Variants in KSR2 observed in about 807,000 individuals in gnomAD.
KSR2 encodes the protein kinase suppressor of ras 2.
KSR2 carries 25 observed loss-of-function variants against 107.8 expected under a neutral mutation model. That is an observed-to-expected ratio of 0.23 (90% CI 0.17 to 0.32). The LOEUF is 0.32. Ranked by LOEUF, KSR2 falls within the 10% of genes least tolerant of loss-of-function variation. The pLI is 1.00. For missense variants in KSR2, 887 were observed against 1,268.9 expected, an observed-to-expected ratio of 0.70 and a Z score of 4.57; for synonymous variants, 480 against 507.0, an observed-to-expected ratio of 0.95 and a Z score of 0.71.
intron 14 of KSR2, among the ~76,000 whole-genome samples, chr12:117,509,982 C>T (rs1472365429): frequency 6.6e-6 from 1 of 152,226 alleles, no homozygotes; most frequent in Non-Finnish European, 1.5e-5. Flanking sequence ...CTTCTCATCA[C>T]TCAGTCTCAG....
intron 1 of KSR2, among the ~76,000 whole-genome samples, chr12:117,927,727 T>C (rs1895573480): frequency 6.6e-6 from 1 of 152,024 alleles, no homozygotes; most frequent in Admixed American, 6.6e-5. Context: ...AGGCCTTTCC[T>C]AGGCACCCAC....
intron 1 of KSR2, among the ~76,000 whole-genome samples, chr12:117,861,058 C>T (rs1893274467): frequency 6.6e-6 from 1 of 152,108 alleles, no homozygotes; most frequent in Non-Finnish European, 1.5e-5. Context: ...TTTGCAGGAA[C>T]TCCTCCAACA....
chr12:117,862,721 TCCC>T (rs202131029), intron 1 of KSR2, among the ~76,000 whole-genome samples: 2 of 134,660 alleles, frequency 1.5e-5, no homozygotes, highest in South Asian at 4.5e-4. Context: ...TGGTCTCCAT[TCCC>T]CCCCTTTTTT....
At chr12:117,752,606 T>C (rs1188692484) in intron 4 of KSR2, among the ~76,000 whole-genome samples, 1 of 152,210 alleles carries the variant, frequency 6.6e-6, no homozygotes, top group East Asian at 1.9e-4. Context: ...AATTTTATCA[T>C]CTATTGCTTA....
intron 3 of KSR2, among the ~76,000 whole-genome samples, chr12:117,777,577 C>T (rs1026265745): frequency 6.6e-5 from 10 of 152,118 alleles, no homozygotes; most frequent in African/African-American, 1.9e-4. Context: ...CATTTTAGCC[C>T]GTAGGCAAAT....
chr12:117,922,751 G>A (rs1895380599), intron 1 of KSR2, among the ~76,000 whole-genome samples: 1 of 152,134 alleles, frequency 6.6e-6, no homozygotes, highest in African/African-American at 2.4e-5. Context: ...CACATACAAG[G>A]TGCACAACAG....
intron 9 of KSR2, among the ~76,000 whole-genome samples, chr12:117,545,732 C>T (rs1876815488): frequency 6.6e-6 from 1 of 152,062 alleles, no homozygotes; most frequent in Non-Finnish European, 1.5e-5. Context: ...TCCTGCCTTC[C>T]TGTGAGTTAA....
At chr12:117,598,769 A>G (rs1444070612) in intron 5 of KSR2, among the ~76,000 whole-genome samples, 1 of 152,032 alleles carries the variant, frequency 6.6e-6, no homozygotes, top group East Asian at 1.9e-4. Context: ...CAGTATATTC[A>G]TGCCCTTTGC....
intron 1 of KSR2, among the ~76,000 whole-genome samples, chr12:117,957,345 G>A (rs1403093833): frequency 6.6e-6 from 1 of 152,218 alleles, no homozygotes; most frequent in Non-Finnish European, 1.5e-5. Context: ...GACATTCCAA[G>A]CATCACAGAA....
chr12:117,602,037 G>A (rs1275360914), intron 5 of KSR2, among the ~76,000 whole-genome samples: 1 of 152,206 alleles, frequency 6.6e-6, no homozygotes, highest in African/African-American at 2.4e-5. Context: ...GCAAATGAAT[G>A]AGCATGGCTG....
chr12:117,606,167 T>A (rs1442739808), intron 5 of KSR2, among the ~76,000 whole-genome samples: 1 of 152,102 alleles, frequency 6.6e-6, no homozygotes, highest in Non-Finnish European at 1.5e-5. Flanking sequence ...GTTAAAAAGT[T>A]TAAATACAGC....
At chr12:117,592,120 A>G (rs903502790) in intron 5 of KSR2, among the ~76,000 whole-genome samples, 14 of 149,606 alleles carry the variant, frequency 9.4e-5, no homozygotes, top group African/African-American at 3.4e-4. Context: ...TTTCCCCCCA[A>G]CTTTTTTTTT....
chr12:117,750,580 C>T (rs535870710), intron 4 of KSR2, among the ~76,000 whole-genome samples: 6 of 152,184 alleles, frequency 3.9e-5, no homozygotes, highest in Admixed American at 2.6e-4. Flanking sequence ...TGCTAAGGTT[C>T]GGGGTATGAT....
chr12:117,739,287 G>A (rs543505433), intron 4 of KSR2, among the ~76,000 whole-genome samples: 2 of 151,022 alleles, frequency 1.3e-5, no homozygotes, highest in Non-Finnish European at 3.0e-5. Flanking sequence ...CCTGGGAGGA[G>A]GAGCTTGCAG....
intron 1 of KSR2, among the ~76,000 whole-genome samples, chr12:117,861,449 C>T (rs1414413763): frequency 8.3e-6 from 1 of 119,798 alleles, no homozygotes; most frequent in Non-Finnish European, 1.6e-5. Flanking sequence ...AGTGCAGTGG[C>T]GTGATCTCGG....
chr12:117,912,852 G>A (rs897508897), intron 1 of KSR2, among the ~76,000 whole-genome samples: 9 of 152,090 alleles, frequency 5.9e-5, no homozygotes, highest in Admixed American at 3.3e-4. Flanking sequence ...TTAGGAAGAC[G>A]GCAAGTAGGG....
intron 1 of KSR2, among the ~76,000 whole-genome samples, chr12:117,924,097 C>T (rs1205290827): frequency 3.3e-5 from 5 of 151,092 alleles, no homozygotes; most frequent in Admixed American, 2.0e-4. Flanking sequence ...AGGCTGGTCT[C>T]GAACTCCCGA....
chr12:117,607,042 A>G, intron 5 of KSR2, among the ~76,000 whole-genome samples: 1 of 152,080 alleles, frequency 6.6e-6, no homozygotes, highest in East Asian at 2.0e-4. Flanking sequence ...GACCATGTGT[A>G]GCTGATCTTG....
chr12:117,541,785 T>C (rs1876509262), intron 9 of KSR2, among the ~76,000 whole-genome samples: 2 of 152,176 alleles, frequency 1.3e-5, no homozygotes, highest in South Asian at 4.1e-4. Context: ...AGCCAGGTTG[T>C]ACATTTCACC....
Sources: allele counts gnomAD v4.1 joint callset (sites outside exome capture counted in the v4.1 genomes callset), GRCh38; gene constraint gnomAD v4.1.1; transcripts MANE v1.5; gene names NCBI Gene and HGNC (gene_info 2026-07-23, HGNC 2026-07-21).